The following N4BP2L2 variants were observed in gnomAD, a reference collection of about 807,000 sequenced individuals.
The protein encoded by N4BP2L2 is NEDD4-binding protein 2-like 2.
A neutral mutation model predicts 56.2 loss-of-function variants in N4BP2L2; 50 were observed. The observed-to-expected ratio is 0.89, with a 90% CI of 0.71 to 1.13. N4BP2L2 has a LOEUF of 1.13. Ranked by LOEUF, N4BP2L2 falls within the 50% of genes most tolerant of loss-of-function variation. N4BP2L2 has a pLI of 0.00. For missense variants in N4BP2L2, 689 were observed against 693.8 expected, an observed-to-expected ratio of 0.99 and a Z score of 0.08; for synonymous variants, 203 against 223.6, an observed-to-expected ratio of 0.91 and a Z score of 0.82.
At chr13:32,537,377 T>C (rs537302637) in intron 1 of N4BP2L2, among the ~76,000 whole-genome samples, 10 of 152,302 alleles carry the variant, frequency 6.6e-5, no homozygotes, top group Admixed American at 2.0e-4. Context: ...TTTTATGATA[T>C]AGATACACAA....
intron 8 of N4BP2L2, among the ~76,000 whole-genome samples, chr13:32,437,990 A>T (rs1264963042): frequency 1.3e-5 from 2 of 152,226 alleles, no homozygotes; most frequent in African/African-American, 4.8e-5. Flanking sequence ...TCCATAATTT[A>T]AAAAATTTTA....
intron 6 of N4BP2L2, among the ~76,000 whole-genome samples, chr13:32,497,796 C>T (rs2089089347): frequency 1.3e-5 from 2 of 152,282 alleles, no homozygotes; most frequent in Middle Eastern, 3.4e-3. Context: ...ACAAAATGTT[C>T]GGTGGCCTCC....
chr13:32,524,175 C>T (rs996380612), intron 3 of N4BP2L2: 2 of 152,260 alleles, frequency 1.3e-5, no homozygotes, highest in African/African-American at 4.8e-5. Context: ...TAAATAGGTG[C>T]CATCATCTAT....
At chr13:32,465,904 G>A (rs1445722025) in intron 6 of N4BP2L2, among the ~76,000 whole-genome samples, 1 of 152,028 alleles carries the variant, frequency 6.6e-6, no homozygotes, top group Non-Finnish European at 1.5e-5. Flanking sequence ...CACCCGCCTC[G>A]GCCTCCCAAA....
exon 6 of N4BP2L2, chr13:32,515,505 ACT>A (rs374602615): frequency 4.6e-5 from 7 of 152,190 alleles, no homozygotes; most frequent in African/African-American, 1.7e-4. Flanking sequence ...ATTTATTTGG[ACT>A]CTGTGATGCA....
chr13:32,522,472 T>C (rs1237899082), intron 3 of N4BP2L2: 8 of 358,092 alleles, frequency 2.2e-5, no homozygotes, highest in Middle Eastern at 7.1e-4. Flanking sequence ...AGGTGCATTC[T>C]CCAGACTGGA....
exon 6 of N4BP2L2, chr13:32,511,428 A>G (rs924450085): frequency 6.6e-6 from 1 of 152,240 alleles, no homozygotes; most frequent in African/African-American, 2.4e-5. Flanking sequence ...ATCAATTAGC[A>G]TCCATCATCA....
chr13:32,443,595 C>T (rs555811492), exon 7 of N4BP2L2: 93 of 1,611,294 alleles, frequency 5.8e-5, no homozygotes, highest in South Asian at 5.5e-5. Flanking sequence ...ATGAAGTTTC[C>T]GCAGAAAGGT....
chr13:32,536,641 T>G, exon 2 of N4BP2L2: 1 of 1,614,028 alleles, frequency 6.2e-7, no homozygotes, highest in Non-Finnish European at 8.5e-7. Flanking sequence ...TCTCAGGGGG[T>G]TTGTAAATGG....
intron 6 of N4BP2L2, among the ~76,000 whole-genome samples, chr13:32,480,246 A>G (rs2084326264): frequency 1.3e-5 from 2 of 152,326 alleles, no homozygotes; most frequent in South Asian, 4.1e-4. Context: ...AGAACTGTCA[A>G]CCTACTATTC....
intron 6 of N4BP2L2, among the ~76,000 whole-genome samples, chr13:32,487,016 T>TAA (rs759656840): frequency 3.4e-4 from 51 of 150,096 alleles, no homozygotes; most frequent in South Asian, 8.5e-4. Context: ...AGTAAATAAA[T>TAA]AAAAAGAAAG....
intron 7 of N4BP2L2, among the ~76,000 whole-genome samples, chr13:32,441,774 T>C (rs538220412): frequency 2.7e-5 from 4 of 150,218 alleles, no homozygotes; most frequent in African/African-American, 9.7e-5. Flanking sequence ...CCGGGCGCGG[T>C]GGCTCACGCC....
intron 6 of N4BP2L2, among the ~76,000 whole-genome samples, chr13:32,487,484 A>T (rs552969458): frequency 6.6e-6 from 1 of 150,484 alleles, no homozygotes; most frequent in Admixed American, 6.6e-5. Context: ...AAAAAAAAAA[A>T]GGAAAAAGAA....
intron 6 of N4BP2L2, among the ~76,000 whole-genome samples, chr13:32,467,348 C>T (rs1287400006): frequency 6.6e-6 from 1 of 151,752 alleles, no homozygotes; most frequent in Admixed American, 6.6e-5. Flanking sequence ...ACCTCCGTCT[C>T]CTGGGTTCAA....
chr13:32,504,244 G>C (rs1432894329), intron 6 of N4BP2L2, among the ~76,000 whole-genome samples: 1 of 152,194 alleles, frequency 6.6e-6, no homozygotes, highest in Non-Finnish European at 1.5e-5. Context: ...GTATTTATTT[G>C]CTAGGGTTCC....
chr13:32,463,898 T>G (rs1042332459), intron 6 of N4BP2L2, among the ~76,000 whole-genome samples: 1 of 115,644 alleles, frequency 8.6e-6, no homozygotes, highest in Non-Finnish European at 1.6e-5. Flanking sequence ...ACTAGTAGAA[T>G]GGCCCTACCT....
rs763513322 is a variant in N4BP2L2 at position 32,517,927 on chromosome 13, T to C, written c.1627A>G (p.Ile543Val). ...GATGGTTCCACTGAATTCATTACAA[T>C]AGAAATGGACATTTGATATTCATAA... Residue 543 changes from isoleucine (I) to valine (V), a missense_variant, in exon 6 of 6, where the codon ATT becomes GTT. Physicochemically the swap from Ile to Val is conservative, Grantham distance 29. Transcript: ENST00000267068. The C allele has an allele frequency of 6.2e-6, 10 of 1,614,138 alleles. No individual in the cohort carries two copies. In the Admixed American group the frequency reaches 1.2e-4, roughly 19 times the overall value.
At chr13:32,533,537 T>C (rs1320857320) in intron 2 of N4BP2L2, among the ~76,000 whole-genome samples, 4 of 143,568 alleles carry the variant, frequency 2.8e-5, no homozygotes, top group Non-Finnish European at 6.2e-5. Context: ...TTTTTTTTTT[T>C]TTGAGACAGG....
In N4BP2L2 at chr13:32,534,822, G is replaced by A. The variant is rs533551243; in HGVS notation, c.1259+947C>T. On this transcript the variant is annotated intron_variant, in intron 2 of 5. Transcript: ENST00000267068. ...CAAATTTTCTTTTTCTCCTTGTCCG[G>A]CACAAATCTTGAATCATCTTATATA... 1.6e-3 allele frequency among the ~76,000 whole-genome samples: 237 copies of A among 152,092 alleles called. 1 individual carries two copies. The highest frequency in any genetic ancestry group is 5.5e-3 in the African/African-American group (228 of 41,492).
Sources: allele counts gnomAD v4.1 joint callset (sites outside exome capture counted in the v4.1 genomes callset), GRCh38; gene constraint gnomAD v4.1.1; transcripts MANE v1.5; gene names NCBI Gene and HGNC (gene_info 2026-07-23, HGNC 2026-07-21).